The following ROR2 variants were observed in gnomAD, a reference collection of about 807,000 sequenced individuals.
ROR2 encodes ROR family WNT receptor 2.
ROR2 carries 33 observed loss-of-function variants against 74.9 expected under a neutral mutation model. The observed-to-expected ratio is 0.44, with a 90% confidence interval of 0.33 to 0.59. The LOEUF (loss-of-function observed/expected upper bound fraction) is 0.59, where lower values mean the gene tolerates loss of function less well. Ranked by LOEUF, ROR2 falls within the 20% of genes least tolerant of loss-of-function variation. The pLI, the probability that ROR2 is intolerant of heterozygous loss-of-function variation, is 0.02. For missense variants in ROR2, 1,216 were observed against 1,313.8 expected (o/e 0.93, Z 1.15); for synonymous variants, 586 against 558.7 (o/e 1.05, Z -0.69).
At chr9:91,944,038 C>T (rs749039691) in intron 1 of ROR2, among the ~76,000 whole-genome samples, 1 of 152,144 alleles carries the variant, frequency 6.6e-6, no homozygotes, top group African/African-American at 2.4e-5. Flanking sequence ...TACAGTCATG[C>T]GTTGCTCAAC....
chr9:91,751,624 G>A (rs1482095212), intron 4 of ROR2, among the ~76,000 whole-genome samples: 1 of 152,200 alleles, frequency 6.6e-6, no homozygotes, highest in African/African-American at 2.4e-5. Flanking sequence ...CAGATTGAGT[G>A]TGGGTGACTT....
chr9:91,949,030 G>T (rs1221425726), intron 1 of ROR2: 3 of 743,514 alleles, frequency 4.0e-6, no homozygotes, highest in African/African-American at 1.9e-5. Flanking sequence ...ACCGCGCAGG[G>T]ACTCGGGGGA....
At position 91,726,678 on chromosome 9, in the gene ROR2, C is replaced by T. The variant is rs765934325; in HGVS notation, c.1249G>A (p.Val417Ile). 6.2e-7 allele frequency: 1 copy of T among 1,613,974 alleles called. No individual in the cohort carries two copies. The highest frequency in any genetic ancestry group is 8.5e-7 in the Non-Finnish European group (1 of 1,180,014). The stretch of plus-strand genomic sequence containing the variant: ...ACCAAGAAGAAAAGGCAAGCGATGA[C>T]CAGTGGAATTGCGATGCTGGGGACC... ...ILVPSIAIPL[V>I]IACLFFLVCM... The change falls in exon 8 of 9, where the codon GTC becomes ATC. Residue 417 changes from valine to isoleucine, a missense_variant. Transcript: ENST00000375708.
At chr9:91,886,095 G>C (rs936872468) in intron 1 of ROR2, among the ~76,000 whole-genome samples, 1 of 151,768 alleles carries the variant, frequency 6.6e-6, no homozygotes, top group Non-Finnish European at 1.5e-5. Context: ...GGCTCGTCTC[G>C]AACTCCTGAC....
intron 2 of ROR2, among the ~76,000 whole-genome samples, chr9:91,768,630 G>A (rs1826131939): frequency 6.6e-6 from 1 of 152,188 alleles, no homozygotes. Flanking sequence ...CAGGTTGTCA[G>A]AACGCTACCC....
Position 91,726,645 on chromosome 9 carries a change from A to C in ROR2, c.1282T>G (p.Cys428Gly). ...IACLFFLVCM[C>G]RNKQKASAST... ...GCAGATGCCTTCTGCTTATTCCGGCACATGCAAACCAAGAAGAAAAGGCAA... is the reference window on the plus strand; with the variant it reads ...GCAGATGCCTTCTGCTTATTCCGGCCCATGCAAACCAAGAAGAAAAGGCAA... The change falls in exon 8 of 9, where the codon TGC becomes GGC. Residue 428 changes from cysteine to glycine, a missense_variant. Cys to Gly is a radical substitution (Grantham distance 159). Transcript: ENST00000375708. 1 of 1,614,056 alleles carries C rather than the reference A, an allele frequency of 6.2e-7. No individual in the cohort carries two copies. Among genetic ancestry groups the C allele is most frequent in the South Asian group, 1.1e-5 (1 of 91,064 alleles).
At chr9:91,892,407 C>A (rs59723153) in intron 1 of ROR2, among the ~76,000 whole-genome samples, 1 of 151,958 alleles carries the variant, frequency 6.6e-6, no homozygotes, top group Non-Finnish European at 1.5e-5. Flanking sequence ...CCTTACCCCG[C>A]CCATGCCTCA....
intron 1 of ROR2, among the ~76,000 whole-genome samples, chr9:91,854,032 G>A (rs1253280077): frequency 7.9e-5 from 12 of 152,290 alleles, no homozygotes; most frequent in Admixed American, 5.2e-4. Flanking sequence ...AAGGAGAGGA[G>A]AAGGGGAAGA....
chr9:91,877,140 G>T (rs1019097043), intron 1 of ROR2, among the ~76,000 whole-genome samples: 8 of 152,170 alleles, frequency 5.3e-5, no homozygotes, highest in African/African-American at 1.9e-4. Flanking sequence ...AGAACATGAC[G>T]TGCAACTGAG....
chr9:91,852,762 G>C (rs2119264120), intron 1 of ROR2, among the ~76,000 whole-genome samples: 1 of 152,256 alleles, frequency 6.6e-6, no homozygotes, highest in South Asian at 2.1e-4. Flanking sequence ...TAACAGGAAA[G>C]AAGAGGACAA....
At chr9:91,913,723 T>C (rs1831050430) in intron 1 of ROR2, among the ~76,000 whole-genome samples, 1 of 152,290 alleles carries the variant, frequency 6.6e-6, no homozygotes, top group African/African-American at 2.4e-5. Context: ...GTTTAAAAAA[T>C]CTGATTTTCA....
At chr9:91,886,550 C>G (rs1165790022) in intron 1 of ROR2, 1 of 152,712 alleles carries the variant, frequency 6.5e-6, no homozygotes, top group South Asian at 2.1e-4. Context: ...CCTGCCCTCA[C>G]GAGGGGACCC....
chr9:91,851,886 G>C (rs370159298), intron 1 of ROR2, among the ~76,000 whole-genome samples: 21 of 151,396 alleles, frequency 1.4e-4, no homozygotes, highest in African/African-American at 5.1e-4. Context: ...TGAGACAGGA[G>C]AATCGCGTGA....
At chr9:91,830,760 A>G (rs1164025148) in intron 1 of ROR2, among the ~76,000 whole-genome samples, 1 of 151,858 alleles carries the variant, frequency 6.6e-6, no homozygotes, top group African/African-American at 2.4e-5. Context: ...ACAAATTTTG[A>G]AAAAAAAGTT....
At position 91,899,713 on chromosome 9, in the gene ROR2, C is replaced by T. The variant is rs887120072; in HGVS notation, c.97+50154G>A. On this transcript the variant is annotated intron_variant, in intron 1 of 8. Coordinates refer to ENST00000375708, the MANE Select transcript of ROR2 (RefSeq NM_004560.4). ...TGCCTGACACCTCAACCCTTAGACA[C>T]ACACACCAGGAATCTACACACAAGC... 2.6e-5 allele frequency among the ~76,000 whole-genome samples: 4 copies of T among 151,014 alleles called. No homozygotes were observed. In the South Asian group the frequency reaches 8.4e-4, roughly 32 times the overall value.
rs534615329 is a variant in ROR2 at position 91,756,224 on chromosome 9, C to T, written c.464-123G>A. ...GGGCTCACTGGTGGGCAGCTGTCCT[C>T]GGGCCTCAGGCTCCACTCGTGATTA... On this transcript the variant is annotated intron_variant, in intron 3 of 8. Transcript: ENST00000375708. 46 of 884,684 alleles carry T rather than the reference C, an allele frequency of 5.2e-5. No individual in the cohort carries two copies. In the East Asian group the frequency reaches 7.7e-4, roughly 15 times the overall value. The allele number at this position is 884,684 out of a possible 1,614,324, so 54.8% of individuals were successfully genotyped here.
intron 3 of ROR2, 67 bp downstream of exon 3, chr9:91,757,205 G>A: frequency 6.3e-7 from 1 of 1,595,220 alleles, no homozygotes; most frequent in Non-Finnish European, 8.6e-7. Context: ...ATAGCAACTG[G>A]ACCTCTTGCT....
At chr9:91,917,264 T>C (rs897124699) in intron 1 of ROR2, among the ~76,000 whole-genome samples, 1 of 152,118 alleles carries the variant, frequency 6.6e-6, no homozygotes, top group African/African-American at 2.4e-5. Context: ...GTTTCTTAGT[T>C]CTAAACACTT....
At chr9:91,926,219 TA>T (rs113100413) in intron 1 of ROR2, among the ~76,000 whole-genome samples, 21,675 of 142,906 alleles carry the variant, frequency 0.15, 3,261 homozygotes, top group African/African-American at 0.4. Context: ...ATCTCTACTT[TA>T]AAAAAAAAAA....
Sources: gnomAD v4.1 joint callset for allele counts (sites outside exome capture counted in the v4.1 genomes callset) on GRCh38, gnomAD v4.1.1 for gene constraint, MANE v1.5 for transcripts, NCBI Gene and HGNC (gene_info 2026-07-23, HGNC 2026-07-21) for gene names.